CDH1: variants seen among roughly 807,000 people sequenced by gnomAD.
The protein encoded by CDH1 is cadherin-1.
Under a neutral mutation model 84.5 loss-of-function variants are expected in CDH1, and 35 were observed. The observed-to-expected ratio is 0.41, with a 90% CI of 0.32 to 0.55. CDH1 has a LOEUF of 0.55. Ranked by LOEUF, CDH1 falls within the 20% of genes least tolerant of loss-of-function variation. CDH1 has a pLI of 0.19. For missense variants in CDH1, 994 were observed against 1,126.6 expected (o/e 0.88, Z 1.68); for synonymous variants, 417 against 439.0 (o/e 0.95, Z 0.63).
rs2152132311 is a variant in CDH1 at position 68,812,030 on chromosome 16, C to A, written c.1009-105C>A. The A allele has an allele frequency of 1.9e-6, 3 of 1,559,146 alleles. No individual in the cohort carries two copies. In the South Asian group the frequency reaches 3.4e-5, roughly 17 times the overall value. ...CGTGCCTAGAAGACAGGCAGGCTGG[C>A]ATGAAGCACATGGTTAAATATTCTG... On this transcript the variant is annotated intron_variant, in intron 7 of 15. Transcript: ENST00000261769.
At chr16:68,771,964 T>C (rs183303712) in intron 2 of CDH1, among the ~76,000 whole-genome samples, 1 of 152,226 alleles carries the variant, frequency 6.6e-6, no homozygotes, top group East Asian at 1.9e-4. Flanking sequence ...CCTTAGGAAA[T>C]AGAGACCATC....
At position 68,815,828 on chromosome 16, in the gene CDH1, A is replaced by G. The variant is rs1597898444; in HGVS notation, c.1565+69A>G. 2.6e-6 allele frequency: 4 copies of G among 1,542,502 alleles called. No individual in the cohort carries two copies. In the East Asian group the frequency reaches 9.0e-5, roughly 35 times the overall value. On this transcript the variant is annotated intron_variant, in intron 10 of 15. Transcript: ENST00000261769. ...TTTATATCATTTTATATGTAAATCA[A>G]TAATATGTACTTCATGGCATTTTGT...
At chr16:68,791,947 GTCTC>G (rs1157804015) in intron 2 of CDH1, among the ~76,000 whole-genome samples, 1 of 150,988 alleles carries the variant, frequency 6.6e-6, no homozygotes, top group African/African-American at 2.4e-5. Context: ...TTGAGATGGA[GTCTC>G]TCTCTGTTGC....
intron 12 of CDH1, chr16:68,823,085 C>T (rs1193768675): frequency 5.8e-6 from 2 of 345,558 alleles, no homozygotes; most frequent in Non-Finnish European, 1.1e-5. Context: ...AAAGGTTCAC[C>T]CTCAGGCACA....
At chr16:68,791,888 C>T (rs1960217920) in intron 2 of CDH1, among the ~76,000 whole-genome samples, 1 of 152,102 alleles carries the variant, frequency 6.6e-6, no homozygotes, top group East Asian at 1.9e-4. Flanking sequence ...GAAGCAATCC[C>T]TCAAAGGAGG....
At chr16:68,816,811 G>C (rs897748074) in intron 10 of CDH1, among the ~76,000 whole-genome samples, 1 of 152,172 alleles carries the variant, frequency 6.6e-6, no homozygotes, top group African/African-American at 2.4e-5. Context: ...TCATAATCTA[G>C]AGATATTTCT....
chr16:68,789,229 A>G (rs1315142618), intron 2 of CDH1, among the ~76,000 whole-genome samples: 1 of 151,924 alleles, frequency 6.6e-6, no homozygotes, highest in African/African-American at 2.4e-5. Context: ...GGCTCTCCCC[A>G]TGTTGCCCAG....
rs187078167 is a variant in CDH1 at position 68,781,363 on chromosome 16, A to G, written c.164-20307A>G. On this transcript the variant is annotated intron_variant, in intron 2 of 15. Transcript: ENST00000261769. ...TACTTTTTCCTTCCTTTTTAGAGTT[A>G]GGGTCTCACTCTGTCATCCAGGCTG... is the stretch of plus-strand genomic sequence containing the variant. 8.4e-4 allele frequency among the ~76,000 whole-genome samples: 128 copies of G among 152,152 alleles called. 1 individual carries two copies. Among genetic ancestry groups the G allele is most frequent in the Admixed American group, 3.4e-3 (52 of 15,280 alleles).
chr16:68,753,212 CAAAAA>C (rs55703202), intron 2 of CDH1, among the ~76,000 whole-genome samples: 1 of 70,120 alleles, frequency 1.4e-5, no homozygotes, highest in Non-Finnish European at 2.6e-5. Context: ...GACTCAGTCT[CAAAAA>C]AAAAAAAAAA....
rs35841998 is a variant in CDH1, at chr16:68,820,625, C to T, written c.1711+1200C>T. ...TTGGCCTCCCAGAGTGCTGGGATTA[C>T]AGGTGTGAGCCACCGTGCCTGGCCT... is the stretch of plus-strand genomic sequence containing the variant. On this transcript the variant is annotated intron_variant, in intron 11 of 15. Coordinates refer to ENST00000261769, the MANE Select transcript of CDH1 (RefSeq NM_004360.5). Among the ~76,000 whole-genome samples the T allele has an allele frequency of 5.1e-3, 784 of 152,254 alleles. 7 individuals are homozygous for T. The highest frequency in any genetic ancestry group is 0.018 in the African/African-American group (734 of 41,558).
chr16:68,771,627 C>T (rs1304982420), intron 2 of CDH1, among the ~76,000 whole-genome samples: 1 of 152,066 alleles, frequency 6.6e-6, no homozygotes, highest in Admixed American at 6.6e-5. Context: ...TGGCGCATGC[C>T]TGTAGTCCCA....
Position 68,835,322 on chromosome 16 carries a change from G to T in CDH1, c.*1823G>T. On this transcript the variant is annotated 3_prime_UTR_variant, in exon 16 of 16. Coordinates refer to ENST00000261769, the MANE Select transcript of CDH1 (RefSeq NM_004360.5). Reference sequence around the variant, plus strand: ...TGTTTTGGAGAAAAAAATCAACCCTGCAATCACTTTTTGGAATTGTCTTGA... The same window carrying T: ...TGTTTTGGAGAAAAAAATCAACCCTTCAATCACTTTTTGGAATTGTCTTGA... 4.5e-6 allele frequency: 1 copy of T among 224,466 alleles called. No individual in the cohort carries two copies. The allele number at this position is 224,466 out of a possible 1,614,324, so 13.9% of individuals were successfully genotyped here.
intron 2 of CDH1, among the ~76,000 whole-genome samples, chr16:68,769,106 C>G (rs1959470300): frequency 6.6e-6 from 1 of 152,208 alleles, no homozygotes; most frequent in Admixed American, 6.5e-5. Flanking sequence ...GTCTCCCTCT[C>G]TTTGAATATG....
At chr16:68,739,647 T>A (rs1446344797) in intron 2 of CDH1, among the ~76,000 whole-genome samples, 2 of 146,092 alleles carry the variant, frequency 1.4e-5, no homozygotes, top group East Asian at 4.1e-4. Context: ...GGAGTTTTAC[T>A]CTTGTTGCCC....
intron 2 of CDH1, among the ~76,000 whole-genome samples, chr16:68,797,824 A>G (rs1960402174): frequency 6.6e-6 from 1 of 152,188 alleles, no homozygotes; most frequent in Non-Finnish European, 1.5e-5. Flanking sequence ...CACACCTATA[A>G]TCCCAGCAGT....
intron 8 of CDH1, 95 bp downstream of exon 8, chr16:68,812,358 ACTCT>A: frequency 7.5e-7 from 1 of 1,325,402 alleles, no homozygotes; most frequent in East Asian, 2.3e-5. Flanking sequence ...GTCTTTGAAA[ACTCT>A]CTCCAGACTA....
At chr16:68,774,036 C>T (rs1213464204) in intron 2 of CDH1, among the ~76,000 whole-genome samples, 1 of 152,216 alleles carries the variant, frequency 6.6e-6, no homozygotes, top group African/African-American at 2.4e-5. Flanking sequence ...CCACCTCAGC[C>T]TCCCAAGTAG....
chr16:68,801,640 T>C (rs763951944), intron 2 of CDH1, 30 bp from the exon 3 acceptor site: 2 of 1,569,624 alleles, frequency 1.3e-6, no homozygotes, highest in Admixed American at 3.3e-5. Context: ...TCTGTCCAAT[T>C]TCCTAATCTC....
intron 2 of CDH1, among the ~76,000 whole-genome samples, chr16:68,757,295 G>C (rs367550073): frequency 6.6e-6 from 1 of 152,060 alleles, no homozygotes; most frequent in East Asian, 1.9e-4. Flanking sequence ...CACCATGTTG[G>C]CCAGGCTGGT....
Sources: allele counts gnomAD v4.1 joint callset (sites outside exome capture counted in the v4.1 genomes callset), GRCh38; gene constraint gnomAD v4.1.1; transcripts MANE v1.5; gene names NCBI Gene and HGNC (gene_info 2026-07-23, HGNC 2026-07-21).